Variants in KNDC1 observed in about 807,000 individuals in gnomAD.
KNDC1 encodes the protein kinase non-catalytic C-lobe domain containing 1.
Under a neutral mutation model 172.8 loss-of-function variants are expected in KNDC1, and 106 were observed. The observed-to-expected ratio is 0.61, with a 90% CI of 0.52 to 0.72. The LOEUF (loss-of-function observed/expected upper bound fraction) is 0.72. Ranked by LOEUF, KNDC1 falls within the 30% of genes least tolerant of loss-of-function variation. The pLI is 0.00. For synonymous variants in KNDC1, 1,083 were observed against 1,062.2 expected (o/e 1.02, Z -0.38); for missense variants, 2,325 against 2,394.5 (o/e 0.97, Z 0.61).
In KNDC1 at chr10:133,183,965, A is replaced by G. The variant is rs1008299786; in HGVS notation, c.601A>G (p.Ile201Val). Reference sequence around the variant, plus strand: ...TGCTGTGGGGAGGAGGGTCCTCTCCATCGAGTCCTTCGGAGCGCTGCAGGG... The same window carrying G: ...TGCTGTGGGGAGGAGGGTCCTCTCCGTCGAGTCCTTCGGAGCGCTGCAGGG... ...LSAVGRRVLS[I>V]ESFGALQDVS... The change falls in exon 5 of 30, where the codon ATC becomes GTC. Residue 201 changes from isoleucine (I) to valine (V), a missense_variant. Ile to Val is a conservative substitution (Grantham distance 29). Transcript: ENST00000304613. 6.3e-7 allele frequency: 1 copy of G among 1,597,102 alleles called. No homozygotes were observed.
At chr10:133,204,571 C>A (rs1854471091) in intron 17 of KNDC1, among the ~76,000 whole-genome samples, 1 of 152,246 alleles carries the variant, frequency 6.6e-6, no homozygotes, top group South Asian at 2.1e-4. Flanking sequence ...CGCTGCTGAA[C>A]CCGTGCGTGG....
intron 3 of KNDC1, among the ~76,000 whole-genome samples, chr10:133,177,835 G>A (rs191491666): frequency 2.5e-3 from 387 of 152,002 alleles, no homozygotes; most frequent in African/African-American, 7.4e-3. Flanking sequence ...TAATGTGTGC[G>A]TGCATGCATG....
rs531375049 is a variant in KNDC1 at position 133,219,172 on chromosome 10, C to G, written c.4860+82C>G. ...GAACTGCTGTGCAGAGCCTGCCGCACCCAGACGCAGGCACCACAGAGTGTG... is the reference window on the plus strand; with the variant it reads ...GAACTGCTGTGCAGAGCCTGCCGCAGCCAGACGCAGGCACCACAGAGTGTG... On this transcript the variant is annotated intron_variant, in intron 28 of 29. Coordinates refer to ENST00000304613, the MANE Select transcript of KNDC1 (RefSeq NM_152643.8). 4.0e-6 allele frequency: 6 copies of G among 1,483,494 alleles called. No individual in the cohort carries two copies. The African/African-American group carries it at 8.3e-5, about 21-fold the overall frequency. 91.9% of individuals were successfully genotyped at this position (1,483,494 alleles called of 1,614,324 possible).
chr10:133,213,016 G>A lies in KNDC1; in HGVS notation c.4443+94G>A, dbSNP rs1845402891. 6 of 1,132,346 alleles carry A rather than the reference G, an allele frequency of 5.3e-6. 1 individual carries two copies. In the Admixed American group the frequency reaches 1.3e-4, roughly 24 times the overall value. 70.1% of individuals were successfully genotyped at this position (1,132,346 alleles called of 1,614,324 possible). On this transcript the variant is annotated intron_variant, in intron 24 of 29. Transcript: ENST00000304613. ...AGGGCCCTCAGCGGCTGCTTCCAGA[G>A]GAACAGACGGGCAGAGAAGGGGCCA...
At chr10:133,187,665 G>T (rs1321656896) in intron 6 of KNDC1, among the ~76,000 whole-genome samples, 1 of 152,244 alleles carries the variant, frequency 6.6e-6, no homozygotes, top group Non-Finnish European at 1.5e-5. Flanking sequence ...CCACCTGTTG[G>T]AGGGTGGACT....
At chr10:133,167,917 G>T (rs1853228471) in intron 2 of KNDC1, among the ~76,000 whole-genome samples, 1 of 152,208 alleles carries the variant, frequency 6.6e-6, no homozygotes, top group South Asian at 2.1e-4. Context: ...TGCTGTGAGT[G>T]GACGCAGGCC....
intron 20 of KNDC1, among the ~76,000 whole-genome samples, chr10:133,207,607 C>T (rs1028137380): frequency 6.6e-6 from 1 of 152,228 alleles, no homozygotes; most frequent in Non-Finnish European, 1.5e-5. Flanking sequence ...GGAGGTGCTG[C>T]GGAACCGCCC....
At chr10:133,187,327 C>T (rs535475202) in intron 6 of KNDC1, among the ~76,000 whole-genome samples, 3 of 152,344 alleles carry the variant, frequency 2.0e-5, no homozygotes, top group East Asian at 3.9e-4. Context: ...CCTGGTCCGT[C>T]GGCCCCTCTG....
rs556957237 is a variant in KNDC1, at chr10:133,197,624, G to A, written c.1813-51G>A. The A allele has an allele frequency of 2.3e-5, 32 of 1,408,754 alleles. 1 individual carries two copies. The highest frequency in any genetic ancestry group is 1.8e-4 in the South Asian group (16 of 87,066). The allele number at this position is 1,408,754 out of a possible 1,614,324, so 87.3% of individuals were successfully genotyped here. ...GGGACGCCCTGTGGGTGTTGCCGGC[G>A]CTGGCGGAGCTCCGTGGTCACCTGG... On this transcript the variant is annotated intron_variant, in intron 11 of 29. Coordinates refer to ENST00000304613, the MANE Select transcript of KNDC1 (RefSeq NM_152643.8).
Position 133,183,391 on chromosome 10 carries a change from C to T in KNDC1, c.408C>T (p.Tyr136=), listed in dbSNP as rs755649311. 2 of 1,599,556 alleles carry T rather than the reference C, an allele frequency of 1.3e-6. No individual in the cohort carries two copies. The highest frequency in any genetic ancestry group is 1.7e-6 in the Non-Finnish European group (2 of 1,175,018). The change falls in exon 4 of 30, where the codon TAC becomes TAT. Residue 136 remains tyrosine (Y), a synonymous_variant. Coordinates refer to ENST00000304613, the MANE Select transcript of KNDC1 (RefSeq NM_152643.8). ...CCACGCTGAAGGCCGCCCTCGAGTA[C>T]GTGGCAGAGCCCACACTGGAACCCA... The part of the protein sequence containing the change: ...LGATLKAALE[Y]VAEPTLEPRL...
intron 3 of KNDC1, among the ~76,000 whole-genome samples, chr10:133,172,669 A>G (rs1292877358): frequency 6.6e-6 from 1 of 152,190 alleles, no homozygotes; most frequent in Non-Finnish European, 1.5e-5. Context: ...TTTCTTTAGG[A>G]AAGATTTTTA....
rs951757825 is a variant in KNDC1, at chr10:133,188,331, C to A, written c.1327-208C>A. ...GTGGCTGCACCGTGGGACGTTCCCA[C>A]CCACAGGGCCAAGGGCCCCAGTCTC... On this transcript the variant is annotated intron_variant, in intron 6 of 29. Coordinates refer to ENST00000304613, the MANE Select transcript of KNDC1 (RefSeq NM_152643.8). Among the ~76,000 whole-genome samples the A allele has an allele frequency of 3.3e-5, 5 of 152,284 alleles. No homozygotes were observed. The South Asian group carries it at 6.2e-4, about 19-fold the overall frequency.
At chr10:133,192,863 T>C (rs1202726516) in intron 9 of KNDC1, among the ~76,000 whole-genome samples, 1 of 151,836 alleles carries the variant, frequency 6.6e-6, no homozygotes, top group Non-Finnish European at 1.5e-5. Context: ...AGAAGGAGGG[T>C]GGTGCATAAA....
At chr10:133,196,750 G>A (rs572209729) in intron 10 of KNDC1, among the ~76,000 whole-genome samples, 8 of 152,296 alleles carry the variant, frequency 5.3e-5, no homozygotes, top group African/African-American at 1.4e-4. Context: ...GGCAGGGAGC[G>A]TGGGGCTCAG....
intron 3 of KNDC1, among the ~76,000 whole-genome samples, chr10:133,169,232 G>A (rs139108666): frequency 0.015 from 2,303 of 152,252 alleles, 113 homozygotes; most frequent in Admixed American, 0.11. Context: ...AGGCTGAGGC[G>A]GGCAGATCGC....
At chr10:133,216,747 A>AT (rs1478429840) in intron 26 of KNDC1, among the ~76,000 whole-genome samples, 1 of 152,260 alleles carries the variant, frequency 6.6e-6, no homozygotes. Context: ...GTTTAAAAAT[A>AT]TGGAACACCA....
chr10:133,183,977 G>C lies in KNDC1; in HGVS notation c.613G>C (p.Gly205Arg), dbSNP rs545007203. 1.5e-5 allele frequency: 23 copies of C among 1,579,098 alleles called. No homozygotes were observed. The highest frequency in any genetic ancestry group is 2.0e-5 in the Non-Finnish European group (23 of 1,156,194). The change falls in exon 5 of 30, where the codon GGA (glycine) becomes CGA (arginine). Residue 205 changes from glycine to arginine, a missense_variant. By Grantham distance (125) the Gly-to-Arg change is moderately radical. Coordinates refer to ENST00000304613, the MANE Select transcript of KNDC1 (RefSeq NM_152643.8). ...GRRVLSIESF[G>R]ALQDVSESSW... ...GAGGGTCCTCTCCATCGAGTCCTTC[G>C]GAGCGCTGCAGGGTGAGTTCTTGAA...
chr10:133,203,739 C>A (rs3008382), intron 17 of KNDC1, among the ~76,000 whole-genome samples: 57,994 of 152,134 alleles, frequency 0.38, 12,743 homozygotes, highest in East Asian at 0.62. Flanking sequence ...TGAAGCCTGG[C>A]CTCGTGTTTC....
chr10:133,189,713 G>A (rs368773289), intron 8 of KNDC1, 39 bp from the exon 9 acceptor site: 48 of 1,613,812 alleles, frequency 3.0e-5, no homozygotes, highest in African/African-American at 1.6e-4. Context: ...GCACCGGCTC[G>A]CCAGGGGTGA....
Sources: gnomAD v4.1 joint callset for allele counts (sites outside exome capture counted in the v4.1 genomes callset) on GRCh38, gnomAD v4.1.1 for gene constraint, MANE v1.5 for transcripts, NCBI Gene and HGNC (gene_info 2026-07-23, HGNC 2026-07-21) for gene names.